The following CAMK1D variants were observed in gnomAD, a reference collection of about 807,000 sequenced individuals.
CAMK1D encodes calcium/calmodulin-dependent protein kinase type 1D.
In CAMK1D, 9 loss-of-function variants were observed where a neutral mutation model predicts 47.7. The ratio of observed to expected loss-of-function variants is 0.19; its 90% CI spans 0.11 to 0.33. The LOEUF (loss-of-function observed/expected upper bound fraction) is 0.33, where lower values mean the gene tolerates loss of function less well. Ranked by LOEUF, CAMK1D falls within the 10% of genes least tolerant of loss-of-function variation. The pLI, the probability that CAMK1D is intolerant of heterozygous loss-of-function variation, is 1.00. For missense variants in CAMK1D, 291 were observed against 488.7 expected, an observed-to-expected ratio of 0.60 and a Z score of 3.81; for synonymous variants, 184 against 184.9, an observed-to-expected ratio of 0.99 and a Z score of 0.04.
At chr10:12,374,484 C>T (rs980267951) in intron 1 of CAMK1D, among the ~76,000 whole-genome samples, 5 of 152,128 alleles carry the variant, frequency 3.3e-5, no homozygotes, top group East Asian at 1.9e-4. Context: ...GTATCTCCTG[C>T]TTCCAGAGCC....
At chr10:12,362,568 G>A (rs577863823) in intron 1 of CAMK1D, among the ~76,000 whole-genome samples, 1 of 152,288 alleles carries the variant, frequency 6.6e-6, no homozygotes, top group African/African-American at 2.4e-5. Context: ...CGCCATCTCA[G>A]CTCACTGCAA....
intron 2 of CAMK1D, among the ~76,000 whole-genome samples, chr10:12,621,007 G>T (rs1210787204): frequency 6.6e-6 from 1 of 152,172 alleles, no homozygotes; most frequent in East Asian, 1.9e-4. Context: ...AGGTTTGCCT[G>T]TTGCCCCAGT....
At chr10:12,392,212 G>A (rs1019691306) in intron 1 of CAMK1D, among the ~76,000 whole-genome samples, 7 of 151,642 alleles carry the variant, frequency 4.6e-5, no homozygotes, top group African/African-American at 1.7e-4. Flanking sequence ...TGAGGCAGGA[G>A]AATCACTGGA....
rs1268715589 is a variant in CAMK1D, at chr10:12,827,522, CTTTCTTTCTTTCTTTCT to C, written c.1040-1240_1040-1224del. 1.4e-3 allele frequency among the ~76,000 whole-genome samples: 29 copies of C among 20,376 alleles called. 5 individuals are homozygous for C. The highest frequency in any genetic ancestry group is 8.0e-3 in the East Asian group (6 of 754). 13.4% of individuals were successfully genotyped at this position (20,376 alleles called of 152,430 possible). On this transcript the variant is annotated intron_variant, in intron 10 of 10. Coordinates refer to ENST00000619168, the MANE Select transcript of CAMK1D (RefSeq NM_153498.4). ...TCTTTCTTTCTTTCTTTCTTTCTTT[CTTTCTTTCTTTCTTTCT>C]TTTCTTGTCTTTCTTCTCCTCTCCT...
At chr10:12,764,212 C>A (rs1836636833) in intron 4 of CAMK1D, among the ~76,000 whole-genome samples, 1 of 152,078 alleles carries the variant, frequency 6.6e-6, no homozygotes, top group Non-Finnish European at 1.5e-5. Flanking sequence ...GAAACCCCAT[C>A]TCTACTAAAA....
intron 1 of CAMK1D, among the ~76,000 whole-genome samples, chr10:12,354,904 C>G (rs573365430): frequency 6.8e-6 from 1 of 146,596 alleles, no homozygotes; most frequent in African/African-American, 2.5e-5. Context: ...TGCGGTGGTG[C>G]GATCATAGCT....
intron 2 of CAMK1D, among the ~76,000 whole-genome samples, chr10:12,558,157 C>T (rs577580819): frequency 7.9e-5 from 12 of 152,240 alleles, no homozygotes; most frequent in African/African-American, 2.2e-4. Flanking sequence ...GTATTTTATG[C>T]GGTATGGAAT....
intron 2 of CAMK1D, among the ~76,000 whole-genome samples, chr10:12,652,385 T>G: frequency 7.2e-6 from 1 of 139,520 alleles, no homozygotes; most frequent in African/African-American, 2.7e-5. Context: ...ATCAAGACCA[T>G]CCTGGCTAAC....
intron 1 of CAMK1D, among the ~76,000 whole-genome samples, chr10:12,477,320 G>A (rs1307610101): frequency 6.6e-6 from 1 of 152,204 alleles, no homozygotes; most frequent in East Asian, 1.9e-4. Context: ...GGAGGCTGAG[G>A]CAGGAGAATG....
chr10:12,542,773 C>T (rs541578873), intron 1 of CAMK1D, among the ~76,000 whole-genome samples: 12 of 152,170 alleles, frequency 7.9e-5, no homozygotes, highest in Non-Finnish European at 1.3e-4. Context: ...GACCGAGTCT[C>T]GCTCTGTCGC....
At chr10:12,614,323 TTG>T (rs1838717486) in intron 2 of CAMK1D, among the ~76,000 whole-genome samples, 1 of 152,252 alleles carries the variant, frequency 6.6e-6, no homozygotes, top group African/African-American at 2.4e-5. Flanking sequence ...TTTGTTGTTG[TTG>T]TGTGCACATG....
intron 1 of CAMK1D, among the ~76,000 whole-genome samples, chr10:12,388,088 A>C (rs1010493510): frequency 3.9e-5 from 6 of 152,190 alleles, no homozygotes; most frequent in Non-Finnish European, 5.9e-5. Context: ...GACTCTCAGG[A>C]GGCTTCTGGG....
intron 2 of CAMK1D, among the ~76,000 whole-genome samples, chr10:12,639,814 ACAAT>A (rs1482804932): frequency 3.4e-4 from 52 of 152,274 alleles, no homozygotes; most frequent in African/African-American, 1.2e-3. Flanking sequence ...TTGTTATTTA[ACAAT>A]CAAATGACTA....
chr10:12,773,399 A>G (rs1295987251), intron 5 of CAMK1D, among the ~76,000 whole-genome samples: 1 of 152,296 alleles, frequency 6.6e-6, no homozygotes, highest in East Asian at 1.9e-4. Context: ...TTTGCATATA[A>G]CCTAGGCGTG....
intron 2 of CAMK1D, among the ~76,000 whole-genome samples, chr10:12,615,541 T>G (rs976970827): frequency 1.3e-5 from 2 of 148,374 alleles, no homozygotes; most frequent in Admixed American, 6.6e-5. Context: ...TGTGCATGTG[T>G]ACATGTGTAG....
At chr10:12,620,636 A>C (rs1838971613) in intron 2 of CAMK1D, among the ~76,000 whole-genome samples, 1 of 151,752 alleles carries the variant, frequency 6.6e-6, no homozygotes, top group Admixed American at 6.6e-5. Context: ...TTTGTTGTTG[A>C]GTTTTGACAG....
intron 3 of CAMK1D, among the ~76,000 whole-genome samples, chr10:12,690,268 T>G (rs1046106871): frequency 3.9e-5 from 6 of 152,214 alleles, no homozygotes; most frequent in African/African-American, 1.4e-4. Context: ...CTTGACTCAT[T>G]TCATATCTCA....
At chr10:12,649,893 A>G (rs962452480) in intron 2 of CAMK1D, among the ~76,000 whole-genome samples, 3 of 152,200 alleles carry the variant, frequency 2.0e-5, no homozygotes, top group African/African-American at 7.2e-5. Context: ...GTGAAGTTCC[A>G]AGTTTCAAGT....
chr10:12,717,731 GA>G (rs11289567), intron 3 of CAMK1D, among the ~76,000 whole-genome samples: 100,356 of 121,244 alleles, frequency 0.83, 43,856 homozygotes, highest in East Asian at 0.98. Flanking sequence ...ACAAAAAATT[GA>G]AAAAAAAAAA....
Sources: allele counts gnomAD v4.1 joint callset (sites outside exome capture counted in the v4.1 genomes callset), GRCh38; gene constraint gnomAD v4.1.1; transcripts MANE v1.5; gene names NCBI Gene and HGNC (gene_info 2026-07-23, HGNC 2026-07-21).